Variants in CAP1 observed in about 807,000 individuals in gnomAD.
CAP1 encodes cyclase associated actin cytoskeleton regulatory protein 1.
CAP1 carries 11 observed loss-of-function variants against 58.2 expected under a neutral mutation model. The observed-to-expected ratio is 0.19, with a 90% CI of 0.12 to 0.31. The LOEUF (loss-of-function observed/expected upper bound fraction) is 0.31, where lower values mean the gene tolerates loss of function less well. Ranked by LOEUF, CAP1 falls within the 10% of genes least tolerant of loss-of-function variation. CAP1 has a pLI of 1.00. For missense variants in CAP1, 423 were observed against 587.5 expected, an observed-to-expected ratio of 0.72 and a Z score of 2.89; for synonymous variants, 183 against 213.8, an observed-to-expected ratio of 0.86 and a Z score of 1.26.
At position 40,064,088 on chromosome 1, in the gene CAP1, T is replaced by C. The variant is rs917200938; in HGVS notation, c.295-139T>C. On this transcript the variant is annotated intron_variant, in intron 4 of 12. Coordinates refer to ENST00000372805, the MANE Select transcript of CAP1 (RefSeq NM_006367.4). ...GAGATGATGAGCAGTATTTTAGCCTTAGGAATCAGGACAGGACTCATGCAG... is the reference window on the plus strand; with the variant it reads ...GAGATGATGAGCAGTATTTTAGCCTCAGGAATCAGGACAGGACTCATGCAG... 4 of 740,252 alleles carry C rather than the reference T, an allele frequency of 5.4e-6. No homozygotes were observed. The African/African-American group carries it at 7.1e-5, about 13-fold the overall frequency. The allele number at this position is 740,252 out of a possible 1,614,324, so 45.9% of individuals were successfully genotyped here.
In CAP1 at chr1:40,070,980, G is replaced by GT; in HGVS notation, c.1344+2dup. 1 of 1,608,960 alleles carries GT rather than the reference G, an allele frequency of 6.2e-7. No individual in the cohort carries two copies. The highest frequency in any genetic ancestry group is 8.5e-7 in the Non-Finnish European group (1 of 1,178,126). On this transcript the variant is annotated splice_donor_variant, in intron 12 of 12. Coordinates refer to ENST00000372805, the MANE Select transcript of CAP1 (RefSeq NM_006367.4). LOFTEE classifies it high-confidence loss of function. ...CATTCCTACAGAAGGCGGTGACTTT[G>GT]TAAGTTTCTTGATCTCTTTAGTATG... is the stretch of plus-strand genomic sequence containing the variant.
At chr1:40,044,887 C>G (rs1166351441) in intron 1 of CAP1, among the ~76,000 whole-genome samples, 3 of 150,250 alleles carry the variant, frequency 2.0e-5, no homozygotes, top group Non-Finnish European at 4.4e-5. Flanking sequence ...AGCTCAGCCT[C>G]CCGGGTTCAC....
chr1:40,040,943 A>C (rs1469267529), intron 1 of CAP1, 142 bp downstream of exon 1: 2 of 152,354 alleles, frequency 1.3e-5, no homozygotes, highest in African/African-American at 4.8e-5. Context: ...GCCGACCCGG[A>C]CTCTTGGGCG....
chr1:40,060,044 C>G, intron 2 of CAP1, 23 bp from the exon 3 acceptor site: 4 of 1,595,926 alleles, frequency 2.5e-6, no homozygotes, highest in Non-Finnish European at 3.4e-6. Context: ...ATGGCTGATT[C>G]TTTGTGGTGT....
At chr1:40,055,943 A>G (rs1416206831) in intron 1 of CAP1, among the ~76,000 whole-genome samples, 2 of 152,216 alleles carry the variant, frequency 1.3e-5, no homozygotes, top group African/African-American at 4.8e-5. Flanking sequence ...ATTTTCCAGG[A>G]CTGTGCCAAG....
chr1:40,046,321 T>C (rs183246205), intron 1 of CAP1, among the ~76,000 whole-genome samples: 539 of 152,176 alleles, frequency 3.5e-3, no homozygotes, highest in African/African-American at 0.012. Flanking sequence ...CTGGGTGTGG[T>C]GGCATGTACC....
chr1:40,063,505 A>G (rs937254986), intron 4 of CAP1, among the ~76,000 whole-genome samples: 1 of 151,934 alleles, frequency 6.6e-6, no homozygotes, highest in Non-Finnish European at 1.5e-5. Flanking sequence ...TGTAGAGACA[A>G]AGTTGTGCTG....
chr1:40,054,190 G>GTTTTTTTTTT (rs1553162751), intron 1 of CAP1, among the ~76,000 whole-genome samples: 3 of 128,116 alleles, frequency 2.3e-5, no homozygotes, highest in East Asian at 2.6e-4. Context: ...TTAGCCCACT[G>GTTTTTTTTTT]TTCTTTTTTT....
At chr1:40,063,912 A>G (rs1646963416) in intron 4 of CAP1, among the ~76,000 whole-genome samples, 2 of 152,240 alleles carry the variant, frequency 1.3e-5, no homozygotes, top group Admixed American at 6.5e-5. Context: ...AGTAAGGCAC[A>G]GGAATGATGT....
chr1:40,063,366 G>C (rs193228201), intron 4 of CAP1, among the ~76,000 whole-genome samples: 1 of 152,120 alleles, frequency 6.6e-6, no homozygotes, highest in Non-Finnish European at 1.5e-5. Flanking sequence ...TTATAGAGAT[G>C]GGGTTTCCCC....
chr1:40,054,456 G>A (rs190550003), intron 1 of CAP1, among the ~76,000 whole-genome samples: 6 of 152,128 alleles, frequency 3.9e-5, no homozygotes, highest in African/African-American at 1.4e-4. Context: ...GATTACAGGC[G>A]TGAGCCAATG....
At chr1:40,059,313 A>G (rs1450674282) in intron 1 of CAP1, 24 bp from the exon 2 acceptor site, 1 of 1,313,374 alleles carries the variant, frequency 7.6e-7, no homozygotes, top group African/African-American at 1.4e-5. Context: ...TAAATAACAA[A>G]TGACATTTGA....
At position 40,072,118 on chromosome 1, in the gene CAP1, A is replaced by T. The variant is rs74068029; in HGVS notation, c.*585A>T. On this transcript the variant is annotated 3_prime_UTR_variant, in exon 13 of 13. Coordinates refer to ENST00000372805, the MANE Select transcript of CAP1 (RefSeq NM_006367.4). Reference sequence around the variant, plus strand: ...TCTATTCTATCCTGGGTCTGCCTCAACCGTGAGATAGGAGAGTCTCTGGTA... The same window carrying T: ...TCTATTCTATCCTGGGTCTGCCTCATCCGTGAGATAGGAGAGTCTCTGGTA... 2.5e-6 allele frequency: 1 copy of T among 400,172 alleles called. No individual in the cohort carries two copies. The highest frequency in any genetic ancestry group is 2.1e-5 in the African/African-American group (1 of 48,608). 24.8% of individuals were successfully genotyped at this position (400,172 alleles called of 1,614,324 possible).
chr1:40,041,429 G>A (rs1645824778), intron 1 of CAP1: 1 of 152,150 alleles, frequency 6.6e-6, no homozygotes, highest in Non-Finnish European at 1.5e-5. Flanking sequence ...GTATTTACAG[G>A]CAGATATCCT....
Position 40,070,198 on chromosome 1 carries a change from A to C in CAP1, c.1033A>C (p.Thr345Pro). ...ENVSNLVIED[T>P]ELKQVAYIYK... is the part of the protein sequence containing the mutation. ...TGTTTCCAACCTGGTGATTGAGGAC[A>C]CAGAGCTGAAACAGGTGGCTTACAT... The change falls in exon 10 of 13, where the codon ACA becomes CCA. Residue 345 changes from threonine to proline, a missense_variant. Thr to Pro is a conservative substitution (Grantham distance 38, BLOSUM62 -1). Coordinates refer to ENST00000372805, the MANE Select transcript of CAP1 (RefSeq NM_006367.4). 1 of 1,614,214 alleles carries C rather than the reference A, an allele frequency of 6.2e-7. No individual in the cohort carries two copies.
In CAP1 at chr1:40,066,036, G is replaced by A. The variant is rs369366378; in HGVS notation, c.525-179G>A. On this transcript the variant is annotated intron_variant, in intron 6 of 12. Coordinates refer to ENST00000372805, the MANE Select transcript of CAP1 (RefSeq NM_006367.4). Reference sequence around the variant, plus strand: ...ATCTTAGTGGAGTTTGGTCTGATTAGGGTAATAGACTAGGTTGTATATACA... The same window carrying A: ...ATCTTAGTGGAGTTTGGTCTGATTAAGGTAATAGACTAGGTTGTATATACA... Among the ~76,000 whole-genome samples, 21 of 152,270 alleles carry A rather than the reference G, an allele frequency of 1.4e-4. No individual in the cohort carries two copies. In the East Asian group the frequency reaches 2.9e-3, roughly 21 times the overall value.
chr1:40,058,220 A>G (rs942151215), intron 1 of CAP1, among the ~76,000 whole-genome samples: 1 of 152,162 alleles, frequency 6.6e-6, no homozygotes, highest in African/African-American at 2.4e-5. Context: ...TCCCTACTGC[A>G]TGTCCAGATC....
intron 1 of CAP1, among the ~76,000 whole-genome samples, chr1:40,044,358 T>G (rs1645983386): frequency 6.6e-6 from 1 of 152,338 alleles, no homozygotes; most frequent in Non-Finnish European, 1.5e-5. Flanking sequence ...AATTTAATGC[T>G]GAGATTTGAA....
chr1:40,070,943 G>A lies in CAP1; in HGVS notation c.1308G>A (p.Glu436=). 2 of 1,614,038 alleles carry A rather than the reference G, an allele frequency of 1.2e-6. No individual in the cohort carries two copies. The highest frequency in any genetic ancestry group is 1.1e-5 in the South Asian group (1 of 91,084). ...AAATAGTCAGTGCCAAATCTTCCGA[G>A]ATGAATGTCCTCATTCCTACAGAAG... ...DCEIVSAKSS[E]MNVLIPTEGG... The change falls in exon 12 of 13, where the codon GAG becomes GAA. Residue 436 remains glutamate (E), a synonymous_variant. Transcript: ENST00000372805.
Sources: allele counts gnomAD v4.1 joint callset (sites outside exome capture counted in the v4.1 genomes callset), GRCh38; gene constraint gnomAD v4.1.1; transcripts MANE v1.5; gene names NCBI Gene and HGNC (gene_info 2026-07-23, HGNC 2026-07-21).